TAFA2: variants seen among roughly 807,000 people sequenced by gnomAD.
The protein encoded by TAFA2 is chemokine-like protein TAFA-2.
A neutral mutation model predicts 18.8 loss-of-function variants in TAFA2; 7 were observed. The ratio of observed to expected loss-of-function variants is 0.37; its 90% confidence interval spans 0.21 to 0.70. TAFA2 has a LOEUF of 0.70. TAFA2 is among the 30% of genes least tolerant of loss of function. The pLI is 0.53. For missense variants in TAFA2, 122 were observed against 158.1 expected (o/e 0.77, Z 1.23); for synonymous variants, 60 against 54.2 (o/e 1.11, Z -0.47).
chr12:62,018,108 G>T (rs536368616), intron 1 of TAFA2, among the ~76,000 whole-genome samples: 1 of 152,248 alleles, frequency 6.6e-6, no homozygotes, highest in Non-Finnish European at 1.5e-5. Flanking sequence ...AAGGTACTGG[G>T]CATTCCTGCA....
At chr12:62,228,261 A>G (rs2062796656) in intron 1 of TAFA2, among the ~76,000 whole-genome samples, 1 of 152,002 alleles carries the variant, frequency 6.6e-6, no homozygotes, top group Non-Finnish European at 1.5e-5. Flanking sequence ...TTTAGCTCCC[A>G]CTTATAAGTC....
At chr12:61,950,512 T>G (rs560814798) in intron 1 of TAFA2, among the ~76,000 whole-genome samples, 9 of 152,222 alleles carry the variant, frequency 5.9e-5, no homozygotes, top group Admixed American at 2.0e-4. Flanking sequence ...TGACGATTAG[T>G]GATGTTAAGC....
At chr12:61,807,793 T>A (rs1230354673) in intron 2 of TAFA2, among the ~76,000 whole-genome samples, 6 of 151,400 alleles carry the variant, frequency 4.0e-5, no homozygotes, top group Non-Finnish European at 7.4e-5. Context: ...CCCACTGGAT[T>A]TCGGACTTGC....
intron 2 of TAFA2, among the ~76,000 whole-genome samples, chr12:61,829,860 C>G (rs1033171959): frequency 6.6e-6 from 1 of 151,576 alleles, no homozygotes; most frequent in Non-Finnish European, 1.5e-5. Context: ...AAAAAGAAGC[C>G]TTAAGAGAAA....
At chr12:61,755,578 C>A (rs2120765175) in intron 2 of TAFA2, among the ~76,000 whole-genome samples, 1 of 152,178 alleles carries the variant, frequency 6.6e-6, no homozygotes, top group South Asian at 2.1e-4. Flanking sequence ...AAATTGCCAC[C>A]ATTTTTCTGG....
intron 1 of TAFA2, among the ~76,000 whole-genome samples, chr12:61,869,090 A>C (rs1208395201): frequency 2.0e-5 from 3 of 152,162 alleles, no homozygotes; most frequent in Non-Finnish European, 4.4e-5. Context: ...AGGCTTGTCC[A>C]TTCGTGAGAT....
chr12:61,994,037 TAACA>T (rs1880100355), intron 1 of TAFA2, among the ~76,000 whole-genome samples: 1 of 152,186 alleles, frequency 6.6e-6, no homozygotes, highest in South Asian at 2.1e-4. Context: ...ACTTTGTAAC[TAACA>T]CTCTTGCTTG....
intron 1 of TAFA2, among the ~76,000 whole-genome samples, chr12:61,959,766 T>G (rs1878817872): frequency 6.6e-6 from 1 of 152,260 alleles, no homozygotes; most frequent in South Asian, 2.1e-4. Flanking sequence ...GTTTCCACAT[T>G]TTTTTCAGAC....
chr12:62,026,969 G>A (rs974750741), intron 1 of TAFA2, among the ~76,000 whole-genome samples: 4 of 152,022 alleles, frequency 2.6e-5, no homozygotes. Flanking sequence ...ACAGCTCGAA[G>A]ACGTATTTTT....
intron 1 of TAFA2, among the ~76,000 whole-genome samples, chr12:62,134,609 C>T (rs1294959083): frequency 6.6e-6 from 1 of 151,450 alleles, no homozygotes; most frequent in African/African-American, 2.4e-5. Flanking sequence ...ATCAATAGCA[C>T]TTGTCACAAT....
At chr12:62,064,428 C>T (rs1332533762) in intron 1 of TAFA2, among the ~76,000 whole-genome samples, 1 of 151,942 alleles carries the variant, frequency 6.6e-6, no homozygotes, top group Non-Finnish European at 1.5e-5. Flanking sequence ...CAATAAACAA[C>T]TTACCTGTTT....
chr12:62,030,394 G>A (rs137943073), intron 1 of TAFA2, among the ~76,000 whole-genome samples: 117 of 152,236 alleles, frequency 7.7e-4, no homozygotes, highest in Non-Finnish European at 8.5e-4. Context: ...AATAGAATAA[G>A]CCACAAGAGA....
chr12:62,052,224 G>T (rs1416279054), intron 1 of TAFA2, among the ~76,000 whole-genome samples: 1 of 152,086 alleles, frequency 6.6e-6, no homozygotes, highest in Non-Finnish European at 1.5e-5. Flanking sequence ...GTGAGAGAGA[G>T]AGTCTGTTTC....
At chr12:62,204,392 A>G (rs1051485627) in intron 1 of TAFA2, among the ~76,000 whole-genome samples, 2 of 152,044 alleles carry the variant, frequency 1.3e-5, no homozygotes, top group Non-Finnish European at 2.9e-5. Context: ...CTGTCTTGCT[A>G]AGTTGGGAAT....
intron 1 of TAFA2, among the ~76,000 whole-genome samples, chr12:62,166,658 C>T (rs2062442481): frequency 6.6e-6 from 1 of 152,056 alleles, no homozygotes; most frequent in South Asian, 2.1e-4. Context: ...CTGGCAATTG[C>T]CAGAAGGGGA....
At chr12:62,185,356 C>A (rs1391256514) in intron 1 of TAFA2, among the ~76,000 whole-genome samples, 1 of 152,142 alleles carries the variant, frequency 6.6e-6, no homozygotes, top group Non-Finnish European at 1.5e-5. Flanking sequence ...GGATCGTCTA[C>A]CTCTTTTCTC....
At chr12:61,772,588 A>T (rs1870082566) in intron 2 of TAFA2, among the ~76,000 whole-genome samples, 1 of 152,090 alleles carries the variant, frequency 6.6e-6, no homozygotes, top group African/African-American at 2.4e-5. Flanking sequence ...ATTACAGCGC[A>T]TAAAGAATTA....
At chr12:61,798,045 A>G (rs1871258508) in intron 2 of TAFA2, among the ~76,000 whole-genome samples, 2 of 152,246 alleles carry the variant, frequency 1.3e-5, no homozygotes, top group African/African-American at 4.8e-5. Context: ...GGTATCAACC[A>G]CATACGACTA....
At chr12:62,018,455 C>T (rs2136724626) in intron 1 of TAFA2, among the ~76,000 whole-genome samples, 1 of 152,176 alleles carries the variant, frequency 6.6e-6, no homozygotes, top group Non-Finnish European at 1.5e-5. Context: ...TTCAACTAAA[C>T]TTAAAATTAA....
Sources: gnomAD v4.1 joint callset for allele counts (sites outside exome capture counted in the v4.1 genomes callset) on GRCh38, gnomAD v4.1.1 for gene constraint, MANE v1.5 for transcripts, NCBI Gene and HGNC (gene_info 2026-07-23, HGNC 2026-07-21) for gene names.